The following NEK6 variants were observed in gnomAD, a reference collection of about 807,000 sequenced individuals.
NEK6 encodes serine/threonine-protein kinase Nek6.
Under a neutral mutation model 43.5 loss-of-function variants are expected in NEK6, and 27 were observed. The observed-to-expected ratio is 0.62, with a 90% CI of 0.46 to 0.86. NEK6 has a LOEUF of 0.86. Ranked by LOEUF, NEK6 falls within the 40% of genes least tolerant of loss-of-function variation. The pLI, the probability that NEK6 is intolerant of heterozygous loss-of-function variation, is 0.00. For missense variants in NEK6, 318 were observed against 414.4 expected, an observed-to-expected ratio of 0.77 and a Z score of 2.02; for synonymous variants, 167 against 164.1, an observed-to-expected ratio of 1.02 and a Z score of -0.14.
intron 8 of NEK6, among the ~76,000 whole-genome samples, chr9:124,341,674 CCT>C (rs947649932): frequency 4.6e-5 from 7 of 152,136 alleles, no homozygotes; most frequent in Admixed American, 2.6e-4. Context: ...TCCCTGCCTC[CCT>C]GTCTCTCCAC....
intron 1 of NEK6, among the ~76,000 whole-genome samples, chr9:124,273,953 C>A (rs567619094): frequency 2.2e-4 from 34 of 152,342 alleles, no homozygotes; most frequent in African/African-American, 4.3e-4. Context: ...ATGGCCCCCC[C>A]ATTCCGTCTT....
At chr9:124,346,881 A>G (rs1300154567) in intron 8 of NEK6, among the ~76,000 whole-genome samples, 1 of 152,158 alleles carries the variant, frequency 6.6e-6, no homozygotes, top group African/African-American at 2.4e-5. Flanking sequence ...CGCAGGCCTC[A>G]CCTCATCAAA....
chr9:124,266,902 G>A (rs1831253213), intron 1 of NEK6, among the ~76,000 whole-genome samples: 1 of 152,192 alleles, frequency 6.6e-6, no homozygotes, highest in Admixed American at 6.5e-5. Context: ...GCTCATCCTC[G>A]AATTATTCCA....
intron 1 of NEK6, among the ~76,000 whole-genome samples, chr9:124,284,478 C>T (rs901707471): frequency 3.9e-5 from 6 of 152,234 alleles, no homozygotes; most frequent in South Asian, 2.1e-4. Flanking sequence ...AGCGTGGCAG[C>T]GACCACGCAC....
At chr9:124,330,580 G>A (rs1424939543) in intron 7 of NEK6, among the ~76,000 whole-genome samples, 1 of 152,262 alleles carries the variant, frequency 6.6e-6, no homozygotes, top group Non-Finnish European at 1.5e-5. Flanking sequence ...GTCTAGTTGG[G>A]GGTGACCCCA....
At chr9:124,338,622 G>A (rs904273913) in intron 7 of NEK6, among the ~76,000 whole-genome samples, 3 of 152,100 alleles carry the variant, frequency 2.0e-5, no homozygotes, top group Non-Finnish European at 2.9e-5. Flanking sequence ...AAGAGATTTC[G>A]GCCAACCCGA....
At chr9:124,329,089 G>A (rs549823698) in intron 7 of NEK6, among the ~76,000 whole-genome samples, 12 of 152,218 alleles carry the variant, frequency 7.9e-5, no homozygotes, top group East Asian at 3.8e-4. Context: ...CGGGGGCCTC[G>A]GCAGATACCG....
chr9:124,306,795 T>C (rs568108150), intron 2 of NEK6, among the ~76,000 whole-genome samples: 55 of 152,344 alleles, frequency 3.6e-4, no homozygotes, highest in African/African-American at 1.3e-3. Flanking sequence ...TTGTGCCCTT[T>C]TGTGCAACAC....
intron 1 of NEK6, among the ~76,000 whole-genome samples, chr9:124,289,314 C>T (rs888141389): frequency 6.6e-6 from 1 of 151,938 alleles, no homozygotes; most frequent in Non-Finnish European, 1.5e-5. Flanking sequence ...CTCAGGCCTG[C>T]ATTCCCATCC....
intron 1 of NEK6, among the ~76,000 whole-genome samples, chr9:124,301,052 G>C (rs147826445): frequency 1.3e-5 from 2 of 152,328 alleles, no homozygotes; most frequent in East Asian, 3.9e-4. Flanking sequence ...AAATGCTTGT[G>C]GGGTGAGCGC....
At chr9:124,263,392 G>A (rs1378763700) in intron 1 of NEK6, among the ~76,000 whole-genome samples, 1 of 152,232 alleles carries the variant, frequency 6.6e-6, no homozygotes, top group Non-Finnish European at 1.5e-5. Context: ...GAGTGAATGA[G>A]GCTGGAGTCC....
At chr9:124,268,116 G>T (rs970429164) in intron 1 of NEK6, among the ~76,000 whole-genome samples, 4 of 152,162 alleles carry the variant, frequency 2.6e-5, no homozygotes, top group Non-Finnish European at 5.9e-5. Flanking sequence ...TGGTCACTGT[G>T]ATGTGCTAAT....
rs192952694 is a variant in NEK6, at chr9:124,288,053, A to G, written c.-29-13883A>G. 3.1e-3 allele frequency among the ~76,000 whole-genome samples: 472 copies of G among 152,350 alleles called. 3 individuals carry two copies. The highest frequency in any genetic ancestry group is 0.011 in the African/African-American group (441 of 41,584). ...TTCCCAGCTCCTGGGAGGATGCAGC[A>G]GGAGCTGTGCAGCCTCTCTCGCCCT... On this transcript the variant is annotated intron_variant, in intron 1 of 9. Transcript: ENST00000320246.
Position 124,292,943 on chromosome 9 carries a change from G to A in NEK6, c.-29-8993G>A, listed in dbSNP as rs570198177. ...TCCAGGAAGGCTGCCTGGAGGAGAT[G>A]CCCAGGAGAGAAGTTTGCTGGGAGG... is the stretch of plus-strand genomic sequence containing the variant. On this transcript the variant is annotated intron_variant, in intron 1 of 9. Transcript: ENST00000320246. The A allele has an allele frequency of 2.4e-5, 38 of 1,567,872 alleles. No homozygotes were observed. In the Middle Eastern group the frequency reaches 1.5e-3, roughly 62 times the overall value.
chr9:124,315,985 G>C (rs936261847), intron 4 of NEK6, among the ~76,000 whole-genome samples: 6 of 152,222 alleles, frequency 3.9e-5, no homozygotes, highest in Non-Finnish European at 7.3e-5. Flanking sequence ...GGGCAGCGCT[G>C]GTGTGTGGTA....
In NEK6 at chr9:124,348,209, A is replaced by G. The variant is rs7048892; in HGVS notation, c.831+387A>G. 3.7e-3 allele frequency among the ~76,000 whole-genome samples: 561 copies of G among 152,330 alleles called. 4 individuals carry two copies. Among genetic ancestry groups the G allele is most frequent in the African/African-American group, 0.012 (510 of 41,580 alleles). On this transcript the variant is annotated intron_variant, in intron 9 of 9. Transcript: ENST00000320246. The stretch of plus-strand genomic sequence containing the variant: ...GCAGGCCTGGCGTCCCCATACCACC[A>G]GTGGTGGCCACTCTGCTCCCATGAC...
At chr9:124,345,540 C>A (rs1426333366) in intron 8 of NEK6, among the ~76,000 whole-genome samples, 1 of 152,196 alleles carries the variant, frequency 6.6e-6, no homozygotes, top group Non-Finnish European at 1.5e-5. Context: ...GCTCAATGCT[C>A]CCCTCAGCGT....
At position 124,326,718 on chromosome 9, in the gene NEK6, C is replaced by T. The variant is rs1023577556; in HGVS notation, c.514+280C>T. 1.3e-5 allele frequency among the ~76,000 whole-genome samples: 2 copies of T among 152,198 alleles called. No individual in the cohort carries two copies. The highest frequency in any genetic ancestry group is 2.4e-5 in the African/African-American group (1 of 41,458). ...CCTGGGAGGGAGGTCGAGGAAGCCTCGCACAGAGGGGACTTTCATGGGGGC... is the reference window on the plus strand; with the variant it reads ...CCTGGGAGGGAGGTCGAGGAAGCCTTGCACAGAGGGGACTTTCATGGGGGC... On this transcript the variant is annotated intron_variant, in intron 6 of 9. Transcript: ENST00000320246. This position sits in a 1 kb window ranked among gnomAD's most constrained non-coding sequence, Gnocchi z 4.5.
chr9:124,313,272 G>A (rs116589010), intron 3 of NEK6, among the ~76,000 whole-genome samples: 3 of 152,154 alleles, frequency 2.0e-5, no homozygotes, highest in African/African-American at 7.2e-5. Flanking sequence ...CCGGGAGAGA[G>A]AATGGCGTTG....
Sources: allele counts gnomAD v4.1 joint callset (sites outside exome capture counted in the v4.1 genomes callset), GRCh38; gene constraint gnomAD v4.1.1; non-coding constraint Gnocchi (gnomAD v3.1); transcripts MANE v1.5; gene names NCBI Gene and HGNC (gene_info 2026-07-23, HGNC 2026-07-21).